ITFG1: variants seen among roughly 807,000 people sequenced by gnomAD.
ITFG1 encodes integrin alpha FG-GAP repeat containing 1, also known as T-cell immunomodulatory protein.
In ITFG1, 34 loss-of-function variants were observed where a neutral mutation model predicts 81.8. That is an observed-to-expected ratio of 0.42 (90% CI 0.32 to 0.55). The LOEUF is 0.55. Ranked by LOEUF, ITFG1 falls within the 20% of genes least tolerant of loss-of-function variation. The pLI, the probability that ITFG1 is intolerant of heterozygous loss-of-function variation, is 0.17. For synonymous variants in ITFG1, 285 were observed against 270.6 expected, an observed-to-expected ratio of 1.05 and a Z score of -0.52; for missense variants, 672 against 755.4, an observed-to-expected ratio of 0.89 and a Z score of 1.29.
intron 5 of ITFG1, among the ~76,000 whole-genome samples, chr16:47,430,121 G>A (rs1412394578): frequency 1.3e-5 from 2 of 148,680 alleles, no homozygotes; most frequent in Non-Finnish European, 3.0e-5. Flanking sequence ...GCAGTGGTGC[G>A]ATTTCCGCTC....
chr16:47,220,811 G>C (rs1339814177), intron 13 of ITFG1, among the ~76,000 whole-genome samples: 3 of 152,030 alleles, frequency 2.0e-5, no homozygotes, highest in African/African-American at 4.8e-5. Context: ...TTCTGGAATG[G>C]TAAGGACCTC....
chr16:47,291,826 T>C (rs1436581784), intron 10 of ITFG1, among the ~76,000 whole-genome samples: 1 of 152,174 alleles, frequency 6.6e-6, no homozygotes, highest in Non-Finnish European at 1.5e-5. Context: ...TTATACCCCT[T>C]TGTGAATTTC....
chr16:47,372,252 T>G (rs766416610), intron 7 of ITFG1, among the ~76,000 whole-genome samples: 1 of 152,118 alleles, frequency 6.6e-6, no homozygotes, highest in Non-Finnish European at 1.5e-5. Flanking sequence ...TTTAAAAAAA[T>G]TTTTAATATA....
chr16:47,349,222 C>G (rs199839866), intron 8 of ITFG1, among the ~76,000 whole-genome samples: 1 of 152,086 alleles, frequency 6.6e-6, no homozygotes, highest in Non-Finnish European at 1.5e-5. Flanking sequence ...ATTAACATTA[C>G]ATGTAAATGG....
intron 14 of ITFG1, among the ~76,000 whole-genome samples, chr16:47,163,708 C>T (rs1359003078): frequency 6.6e-6 from 1 of 152,050 alleles, no homozygotes; most frequent in African/African-American, 2.4e-5. Context: ...TCCAAAGTAC[C>T]TGCACCATTT....
At chr16:47,343,632 C>T (rs1279157883) in intron 8 of ITFG1, among the ~76,000 whole-genome samples, 1 of 151,992 alleles carries the variant, frequency 6.6e-6, no homozygotes, top group Non-Finnish European at 1.5e-5. Flanking sequence ...TAGAGAAACA[C>T]AAATGAAAGC....
At chr16:47,169,661 A>C (rs1964934888) in intron 14 of ITFG1, among the ~76,000 whole-genome samples, 1 of 152,190 alleles carries the variant, frequency 6.6e-6, no homozygotes, top group Non-Finnish European at 1.5e-5. Flanking sequence ...TTCCTAATTT[A>C]GAAGATTTTT....
chr16:47,235,854 T>C (rs1211749061), intron 13 of ITFG1, among the ~76,000 whole-genome samples: 1 of 152,246 alleles, frequency 6.6e-6, no homozygotes, highest in Non-Finnish European at 1.5e-5. Context: ...ACATTTGTGA[T>C]ACTGGGTAAG....
intron 13 of ITFG1, among the ~76,000 whole-genome samples, chr16:47,223,960 C>T (rs1479223125): frequency 4.0e-5 from 6 of 150,988 alleles, no homozygotes; most frequent in Non-Finnish European, 8.8e-5. Context: ...TAAACTATCA[C>T]AAGAACAAAA....
intron 14 of ITFG1, among the ~76,000 whole-genome samples, chr16:47,198,367 CATG>C (rs1359339122): frequency 6.6e-6 from 1 of 152,118 alleles, no homozygotes; most frequent in African/African-American, 2.4e-5. Flanking sequence ...TCTTAGCTGT[CATG>C]ATGTCATAGT....
intron 6 of ITFG1, among the ~76,000 whole-genome samples, chr16:47,425,410 C>T (rs368974540): frequency 6.6e-6 from 1 of 152,090 alleles, no homozygotes; most frequent in African/African-American, 2.4e-5. Context: ...CTGGGTAAGG[C>T]GACACCCCAC....
chr16:47,382,166 A>G (rs537563587), intron 6 of ITFG1, among the ~76,000 whole-genome samples: 2 of 152,334 alleles, frequency 1.3e-5, no homozygotes, highest in East Asian at 3.9e-4. Context: ...AAAAAACTCA[A>G]AACATGTCTC....
At chr16:47,316,868 T>C (rs1358222635) in intron 8 of ITFG1, among the ~76,000 whole-genome samples, 1 of 152,198 alleles carries the variant, frequency 6.6e-6, no homozygotes, top group Admixed American at 6.5e-5. Context: ...TGTGAGTAGA[T>C]TACAAAGAAG....
chr16:47,245,788 A>G (rs1236470861), intron 12 of ITFG1, among the ~76,000 whole-genome samples: 1 of 151,660 alleles, frequency 6.6e-6, no homozygotes, highest in African/African-American at 2.4e-5. Flanking sequence ...CTTAATCTTC[A>G]TATCAAGACT....
At chr16:47,346,334 C>A (rs1382487256) in intron 8 of ITFG1, among the ~76,000 whole-genome samples, 1 of 152,130 alleles carries the variant, frequency 6.6e-6, no homozygotes, top group African/African-American at 2.4e-5. Flanking sequence ...TCCTGAAGAA[C>A]CAATGGTCAA....
chr16:47,231,306 C>G (rs1965814533), intron 13 of ITFG1, among the ~76,000 whole-genome samples: 1 of 152,004 alleles, frequency 6.6e-6, no homozygotes. Context: ...TACCAAGTCA[C>G]AGAGAAAAAC....
intron 8 of ITFG1, among the ~76,000 whole-genome samples, chr16:47,328,321 T>C (rs1479394987): frequency 6.6e-6 from 1 of 151,784 alleles, no homozygotes; most frequent in African/African-American, 2.4e-5. Flanking sequence ...GGGACAGTTG[T>C]GGGGTGGGGG....
chr16:47,355,355 G>T (rs952251601), intron 8 of ITFG1, among the ~76,000 whole-genome samples: 1 of 152,096 alleles, frequency 6.6e-6, no homozygotes. Flanking sequence ...TCTCATAGAA[G>T]TAGAGAGAAT....
At position 47,252,394 on chromosome 16, in the gene ITFG1, G is replaced by A. The variant is rs9933580; in HGVS notation, c.1330+6238C>T. Among the ~76,000 whole-genome samples, 724 of 152,300 alleles carry A rather than the reference G, an allele frequency of 4.8e-3. 6 individuals carry two copies. The highest frequency in any genetic ancestry group is 0.017 in the African/African-American group (688 of 41,570). ...AAAAGAAAGCTTTCCCAAAGGAAAGGTCTCATCTTGTTTGGTAAACAAAGG... is the reference window on the plus strand; with the variant it reads ...AAAAGAAAGCTTTCCCAAAGGAAAGATCTCATCTTGTTTGGTAAACAAAGG... On this transcript the variant is annotated intron_variant, in intron 12 of 17. Coordinates refer to ENST00000320640, the MANE Select transcript of ITFG1 (RefSeq NM_030790.5).
Sources: allele counts gnomAD v4.1 joint callset (sites outside exome capture counted in the v4.1 genomes callset), GRCh38; gene constraint gnomAD v4.1.1; transcripts MANE v1.5; gene names NCBI Gene and HGNC (gene_info 2026-07-23, HGNC 2026-07-21).